RBMS3: variants seen among roughly 807,000 people sequenced by gnomAD.
RBMS3 encodes the protein RNA binding motif single stranded interacting protein 3.
Under a neutral mutation model 66.8 loss-of-function variants are expected in RBMS3, and 27 were observed. The observed-to-expected ratio is 0.40, with a 90% CI of 0.30 to 0.56. RBMS3 has a LOEUF of 0.56. Ranked by LOEUF, RBMS3 falls within the 20% of genes least tolerant of loss-of-function variation. RBMS3 has a pLI of 0.40. For missense variants in RBMS3, 513 were observed against 549.5 expected (o/e 0.93, Z 0.66); for synonymous variants, 188 against 183.0 (o/e 1.03, Z -0.22).
rs546261276 is a variant in RBMS3, at chr3:29,486,880, G to T, written c.249-1561G>T. ...ATTAAGAAGGATTTTTGTCTTAAGG[G>T]TTTATGTGCCTGGTGTAAGATAGTT... On this transcript the variant is annotated intron_variant, in intron 2 of 14. Coordinates refer to ENST00000383767, the MANE Select transcript of RBMS3 (RefSeq NM_001003793.3). Among the ~76,000 whole-genome samples, 10 of 152,076 alleles carry T rather than the reference G, an allele frequency of 6.6e-5. No homozygotes were observed. The East Asian group carries it at 9.7e-4, about 15-fold the overall frequency.
At chr3:29,333,088 A>G (rs1161070364) in intron 1 of RBMS3, among the ~76,000 whole-genome samples, 8 of 152,216 alleles carry the variant, frequency 5.3e-5, no homozygotes, top group African/African-American at 1.9e-4. Context: ...ACTTTTTTTC[A>G]TTAGGATTCC....
At chr3:29,367,259 T>C (rs1479445124) in intron 1 of RBMS3, among the ~76,000 whole-genome samples, 1 of 152,172 alleles carries the variant, frequency 6.6e-6, no homozygotes, top group Non-Finnish European at 1.5e-5. Flanking sequence ...TCAAATAATA[T>C]GTAAGTATTC....
intron 1 of RBMS3, among the ~76,000 whole-genome samples, chr3:29,431,294 TCC>T (rs1559355367): frequency 1.7e-5 from 2 of 118,290 alleles, no homozygotes; most frequent in Admixed American, 9.4e-5. Context: ...TCTTTCTTTT[TCC>T]TTTTCTTTTT....
At chr3:29,708,636 A>G (rs2053016973) in intron 4 of RBMS3, among the ~76,000 whole-genome samples, 1 of 152,162 alleles carries the variant, frequency 6.6e-6, no homozygotes, top group Non-Finnish European at 1.5e-5. Context: ...GGGTGATTCT[A>G]GCAGAGGCTA....
At chr3:29,337,907 A>G (rs553578183) in intron 1 of RBMS3, among the ~76,000 whole-genome samples, 1 of 152,184 alleles carries the variant, frequency 6.6e-6, no homozygotes, top group African/African-American at 2.4e-5. Flanking sequence ...GGTAATTATA[A>G]TTTAGGAAAA....
At chr3:29,878,403 G>T (rs984135411) in intron 7 of RBMS3, among the ~76,000 whole-genome samples, 1 of 152,082 alleles carries the variant, frequency 6.6e-6, no homozygotes, top group African/African-American at 2.4e-5. Context: ...CTCAGCCAGG[G>T]TGTAGCCATT....
intron 4 of RBMS3, among the ~76,000 whole-genome samples, chr3:29,646,505 GC>G (rs1032323522): frequency 1.3e-5 from 2 of 150,724 alleles, no homozygotes; most frequent in African/African-American, 4.9e-5. Flanking sequence ...AGGGAAAATG[GC>G]CACTTGAGAG....
chr3:29,339,095 G>A (rs1000118667), intron 1 of RBMS3, among the ~76,000 whole-genome samples: 2 of 152,106 alleles, frequency 1.3e-5, no homozygotes, highest in East Asian at 3.9e-4. Flanking sequence ...CCCACCTGTG[G>A]TATCCCCTGA....
chr3:29,781,327 T>G (rs1460769374), intron 6 of RBMS3, among the ~76,000 whole-genome samples: 2 of 152,032 alleles, frequency 1.3e-5, no homozygotes, highest in African/African-American at 4.8e-5. Context: ...CTGCCTTCCT[T>G]CACTTAGCAT....
chr3:29,516,628 G>A (rs2044639335), intron 3 of RBMS3, among the ~76,000 whole-genome samples: 1 of 151,994 alleles, frequency 6.6e-6, no homozygotes, highest in Non-Finnish European at 1.5e-5. Context: ...GTGTTGCCCA[G>A]GCTTGTGTCT....
chr3:29,697,049 T>C, intron 4 of RBMS3: 1 of 985,310 alleles, frequency 1.0e-6, no homozygotes, highest in East Asian at 1.1e-4. Flanking sequence ...AGAGAAGTTC[T>C]TACATAAAGA....
At chr3:29,798,931 T>G (rs1420266517) in intron 6 of RBMS3, among the ~76,000 whole-genome samples, 2 of 122,454 alleles carry the variant, frequency 1.6e-5, no homozygotes, top group African/African-American at 6.2e-5. Context: ...ACCCTCTGGT[T>G]TTTTTTTTTT....
intron 4 of RBMS3, among the ~76,000 whole-genome samples, chr3:29,709,614 G>T (rs1486351294): frequency 1.3e-5 from 2 of 152,144 alleles, no homozygotes; most frequent in African/African-American, 4.8e-5. Context: ...CACTGATGCT[G>T]CCAATTCAAT....
intron 7 of RBMS3, among the ~76,000 whole-genome samples, chr3:29,877,292 T>C (rs1187809359): frequency 1.3e-5 from 2 of 152,110 alleles, no homozygotes; most frequent in African/African-American, 4.8e-5. Context: ...TGGCATCTCA[T>C]AGGCAGTTGG....
intron 12 of RBMS3, among the ~76,000 whole-genome samples, chr3:29,968,092 T>A (rs1696967340): frequency 6.6e-6 from 1 of 152,180 alleles, no homozygotes; most frequent in Admixed American, 6.5e-5. Flanking sequence ...GACTCTTTGA[T>A]GTAGGCATTT....
At chr3:29,628,099 C>G (rs1482274072) in intron 4 of RBMS3, among the ~76,000 whole-genome samples, 2 of 152,168 alleles carry the variant, frequency 1.3e-5, no homozygotes, top group South Asian at 2.1e-4. Flanking sequence ...GAAACTGATA[C>G]TAGCCCTTGT....
At chr3:29,776,385 G>T (rs1435949153) in intron 6 of RBMS3, among the ~76,000 whole-genome samples, 2 of 151,838 alleles carry the variant, frequency 1.3e-5, no homozygotes, top group South Asian at 2.1e-4. Context: ...GAACCTAATT[G>T]TTCCGCACCC....
intron 6 of RBMS3, among the ~76,000 whole-genome samples, chr3:29,790,189 T>C (rs2056954580): frequency 6.6e-6 from 1 of 152,178 alleles, no homozygotes; most frequent in African/African-American, 2.4e-5. Context: ...TGCTCAATAT[T>C]TCAAGGACGA....
rs1393564282 is a variant in RBMS3 at position 29,991,082 on chromosome 3, G to A, written c.1180G>A (p.Gly394Ser). The change falls in exon 14 of 15, where the codon GGT becomes AGT. Residue 394 changes from glycine to serine, a missense_variant and splice_region_variant. Transcript: ENST00000383767. ...TTTATGTTCTTATTTGCCTCCTTAG[G>A]GTGTTGTTGCTGATACCTCTCCCCA... ...PVPPTAVSIE[G>S]VVADTSPQTV... The A allele has an allele frequency of 1.2e-6, 2 of 1,613,928 alleles. No homozygotes were observed. Among genetic ancestry groups the A allele is most frequent in the Non-Finnish European group, 1.7e-6 (2 of 1,179,948 alleles).
Sources: gnomAD v4.1 joint callset for allele counts (sites outside exome capture counted in the v4.1 genomes callset) on GRCh38, gnomAD v4.1.1 for gene constraint, MANE v1.5 for transcripts, NCBI Gene and HGNC (gene_info 2026-07-23, HGNC 2026-07-21) for gene names.